Variants in RAB3GAP2 observed in about 807,000 individuals in gnomAD.
The protein encoded by RAB3GAP2 is RAB3 GTPase activating non-catalytic protein subunit 2.
RAB3GAP2 carries 87 observed loss-of-function variants against 185.3 expected under a neutral mutation model. The ratio of observed to expected loss-of-function variants is 0.47; its 90% CI spans 0.39 to 0.56. The LOEUF (loss-of-function observed/expected upper bound fraction) is 0.56, where lower values mean the gene tolerates loss of function less well. Ranked by LOEUF, RAB3GAP2 falls within the 20% of genes least tolerant of loss-of-function variation. RAB3GAP2 has a pLI of 0.00. For missense variants in RAB3GAP2, 1,492 were observed against 1,638.2 expected (o/e 0.91, Z 1.54); for synonymous variants, 554 against 576.1 (o/e 0.96, Z 0.55).
chr1:220,203,383 T>C (rs1363460166), intron 8 of RAB3GAP2, among the ~76,000 whole-genome samples: 1 of 152,170 alleles, frequency 6.6e-6, no homozygotes. Context: ...AGAAAAAATA[T>C]AACCTCTAAA....
At chr1:220,179,329 T>C (rs895258636) in intron 21 of RAB3GAP2, among the ~76,000 whole-genome samples, 1 of 143,742 alleles carries the variant, frequency 7.0e-6, no homozygotes, top group African/African-American at 2.6e-5. Flanking sequence ...GATCTAACAA[T>C]AGTAAGTATA....
rs1658200586 is a variant in RAB3GAP2 at position 220,172,637 on chromosome 1, C to T, written c.2416G>A (p.Val806Met). The change falls in exon 22 of 35, where the codon GTG becomes ATG. Residue 806 changes from valine (V) to methionine (M), a missense_variant and splice_region_variant. Coordinates refer to ENST00000358951, the MANE Select transcript of RAB3GAP2 (RefSeq NM_012414.4). Reference protein sequence around the residue: ...TMLSLLSKMKVAIDETWDSQS... With the variant: ...TMLSLLSKMKMAIDETWDSQS... ...GACGAGAGCAACAAACTTTGTTTAC[C>T]TTTCATCTTGCTCAGGAGGGACAGC... 6 of 1,599,490 alleles carry T rather than the reference C, an allele frequency of 3.8e-6. No homozygotes were observed. Among genetic ancestry groups the T allele is most frequent in the Non-Finnish European group, 4.3e-6 (5 of 1,166,692 alleles).
At position 220,172,687 on chromosome 1, in the gene RAB3GAP2, T is replaced by G. The variant is rs758157780; in HGVS notation, c.2366A>C (p.Gln789Pro). ...CATGGTATGAAGACAGCAGATTGAC[T>G]GTGGTTTATCCAAAATATCCTTTTC... The part of the protein sequence containing the change: ...SKEKDILDKP[Q>P]SICCLHTMLS... The change falls in exon 22 of 35, where the codon CAG (glutamine) becomes CCG (proline). Residue 789 changes from glutamine (Q) to proline (P), a missense_variant. By Grantham distance (76) the Gln-to-Pro change is moderately conservative. This residue lies in a region of RAB3GAP2 where 681 missense variants were observed against 689.1 expected (regional missense o/e 0.99). Coordinates refer to ENST00000358951, the MANE Select transcript of RAB3GAP2 (RefSeq NM_012414.4). 1.2e-6 allele frequency: 2 copies of G among 1,613,516 alleles called. No individual in the cohort carries two copies. The highest frequency in any genetic ancestry group is 2.2e-5 in the East Asian group (1 of 44,858).
At chr1:220,182,992 T>C in intron 19 of RAB3GAP2, 61 bp from the exon 20 acceptor site, 1 of 1,410,038 alleles carries the variant, frequency 7.1e-7, no homozygotes, top group Non-Finnish European at 9.9e-7. Flanking sequence ...TTATCTGAAC[T>C]GAAATTCAAG....
chr1:220,161,055 A>G (rs1373639670), intron 28 of RAB3GAP2, among the ~76,000 whole-genome samples: 1 of 152,242 alleles, frequency 6.6e-6, no homozygotes, highest in Non-Finnish European at 1.5e-5. Context: ...ACAAATTGTA[A>G]CACACATAAA....
intron 21 of RAB3GAP2, among the ~76,000 whole-genome samples, chr1:220,173,956 G>C (rs1217486430): frequency 6.7e-6 from 1 of 148,706 alleles, no homozygotes; most frequent in African/African-American, 2.5e-5. Flanking sequence ...GGAGGCGGAG[G>C]TTGCAGTGAG....
At position 220,272,326 on chromosome 1, in the gene RAB3GAP2, G is replaced by A; in HGVS notation, c.12C>T (p.Ser4=). The A allele has an allele frequency of 6.2e-7, 1 of 1,611,032 alleles. No homozygotes were observed. Among genetic ancestry groups the A allele is most frequent in the Non-Finnish European group, 8.5e-7 (1 of 1,178,926 alleles). The change falls in exon 1 of 35, where the codon TCC becomes TCT. Residue 4 remains serine, a synonymous_variant. Transcript: ENST00000358951. MAC[S]IVQFCYFQDL... ...CCTGGAAGTAGCAGAACTGGACAAT[G>A]GAGCAGGCCATGGCTCCAGGGAACC...
At chr1:220,226,789 G>T (rs1484273413) in intron 2 of RAB3GAP2, among the ~76,000 whole-genome samples, 2 of 152,024 alleles carry the variant, frequency 1.3e-5, no homozygotes, top group African/African-American at 2.4e-5. Flanking sequence ...TTCATATGTT[G>T]ATGCCTTAAC....
chr1:220,267,836 C>A, intron 1 of RAB3GAP2: 1 of 1,182,664 alleles, frequency 8.5e-7, no homozygotes, highest in Non-Finnish European at 1.3e-6. Context: ...ATTGCTGAGT[C>A]ACGAGAACAT....
rs1657691038 is a variant in RAB3GAP2, at chr1:220,149,147, C to G, written c.*2104G>C. On this transcript the variant is annotated 3_prime_UTR_variant, in exon 35 of 35. Coordinates refer to ENST00000358951, the MANE Select transcript of RAB3GAP2 (RefSeq NM_012414.4). ...TTTATTTGCCTTTCTTCCTATCAAT[C>G]AGATTTATTTATTTTAAAAGCCCTT... 6.6e-6 allele frequency: 1 copy of G among 152,114 alleles called. No individual in the cohort carries two copies. The highest frequency in any genetic ancestry group is 6.5e-5 in the Admixed American group (1 of 15,270). The allele number at this position is 152,114 out of a possible 1,614,324, so 9.4% of individuals were successfully genotyped here.
At chr1:220,245,008 G>A (rs1659773725) in intron 1 of RAB3GAP2, among the ~76,000 whole-genome samples, 1 of 151,806 alleles carries the variant, frequency 6.6e-6, no homozygotes, top group East Asian at 1.9e-4. Context: ...TACAGCAAAA[G>A]AAATAATCAT....
At chr1:220,236,878 C>T (rs2102894011) in intron 1 of RAB3GAP2, among the ~76,000 whole-genome samples, 1 of 152,212 alleles carries the variant, frequency 6.6e-6, no homozygotes, top group African/African-American at 2.4e-5. Context: ...TTCAACATAA[C>T]TTTGAGAACT....
chr1:220,210,405 G>A lies in RAB3GAP2; in HGVS notation c.595C>T (p.Pro199Ser). 1 of 1,613,874 alleles carries A rather than the reference G, an allele frequency of 6.2e-7. No homozygotes were observed. The highest frequency in any genetic ancestry group is 8.5e-7 in the Non-Finnish European group (1 of 1,179,730). ...KCRTYEIPRH[P>S]GVTEQNEELS... is the part of the protein sequence containing the mutation. ...TACACTACCTGCTCAGTCACGCCGG[G>A]ATGTCGTGGTATTTCATAGGTTCTG... Residue 199 changes from proline to serine, a missense_variant, in exon 7 of 35, where the codon CCC (proline) becomes TCC (serine). Coordinates refer to ENST00000358951, the MANE Select transcript of RAB3GAP2 (RefSeq NM_012414.4).
intron 2 of RAB3GAP2, among the ~76,000 whole-genome samples, chr1:220,215,540 G>T (rs180802018): frequency 6.6e-5 from 10 of 152,200 alleles, no homozygotes; most frequent in Admixed American, 2.0e-4. Flanking sequence ...AATTTTCTAT[G>T]AATAGTTTGT....
At chr1:220,187,686 A>G (rs1658530973) in intron 17 of RAB3GAP2, among the ~76,000 whole-genome samples, 1 of 152,072 alleles carries the variant, frequency 6.6e-6, no homozygotes, top group Admixed American at 6.6e-5. Context: ...GTTCCTGAAT[A>G]GTGGCTTGCC....
chr1:220,240,085 C>T (rs577051451), intron 1 of RAB3GAP2, among the ~76,000 whole-genome samples: 31 of 151,040 alleles, frequency 2.1e-4, no homozygotes, highest in African/African-American at 7.5e-4. Flanking sequence ...ACAGGTTACA[C>T]TAAAAACAGT....
chr1:220,152,385 G>A (rs1657774102), intron 33 of RAB3GAP2, among the ~76,000 whole-genome samples: 2 of 152,156 alleles, frequency 1.3e-5, no homozygotes, highest in Non-Finnish European at 2.9e-5. Context: ...CCCCTCTAAT[G>A]GCTTCTGAAT....
rs930847244 is a variant in RAB3GAP2 at position 220,157,745 on chromosome 1, T to C, written c.3336+57A>G. On this transcript the variant is annotated intron_variant, in intron 30 of 34. Coordinates refer to ENST00000358951, the MANE Select transcript of RAB3GAP2 (RefSeq NM_012414.4). ...ATAGTCATTTATTAAATGCAATGGT[T>C]TGCAGAATATGTAATATCTTAGGAG... The C allele has an allele frequency of 2.1e-6, 3 of 1,415,308 alleles. No homozygotes were observed. The African/African-American group carries it at 4.2e-5, about 20-fold the overall frequency. 87.7% of individuals were successfully genotyped at this position (1,415,308 alleles called of 1,614,324 possible).
At chr1:220,253,109 G>C (rs547012059) in intron 1 of RAB3GAP2, among the ~76,000 whole-genome samples, 26 of 152,330 alleles carry the variant, frequency 1.7e-4, no homozygotes, top group African/African-American at 4.1e-4. Context: ...AGTTTACGAG[G>C]AAGGTTCCCC....
Sources: gnomAD v4.1 joint callset for allele counts (sites outside exome capture counted in the v4.1 genomes callset) on GRCh38, gnomAD v4.1.1 for gene constraint, gnomAD v4.1.1 regional missense constraint, MANE v1.5 for transcripts, NCBI Gene and HGNC (gene_info 2026-07-23, HGNC 2026-07-21) for gene names.